PLCL2: variants seen among roughly 807,000 people sequenced by gnomAD.
PLCL2 encodes the protein phospholipase C like 2.
A neutral mutation model predicts 79.6 loss-of-function variants in PLCL2; 4 were observed. The ratio of observed to expected loss-of-function variants is 0.05; its 90% CI spans 0.02 to 0.11. PLCL2 has a LOEUF of 0.11. Among genes scored for constraint, PLCL2 ranks in the 10% least tolerant of loss-of-function variants. The pLI is 1.00. For missense variants in PLCL2, 895 were observed against 1,291.0 expected, an observed-to-expected ratio of 0.69 and a Z score of 4.70; for synonymous variants, 484 against 457.7, an observed-to-expected ratio of 1.06 and a Z score of -0.73.
Position 16,953,237 on chromosome 3 carries a change from G to A in PLCL2, c.328-56437G>A, listed in dbSNP as rs570630867. 5.9e-5 allele frequency among the ~76,000 whole-genome samples: 9 copies of A among 152,222 alleles called. No homozygotes were observed. In the South Asian group the frequency reaches 1.7e-3, roughly 28 times the overall value. On this transcript the variant is annotated intron_variant, in intron 1 of 5. Transcript: ENST00000615277. ...TGGTTGTGCATACATCACATGTAAT[G>A]CATTATAATTTTCTGGAGTAATACA...
intron 1 of PLCL2, among the ~76,000 whole-genome samples, chr3:16,966,277 A>G (rs1450424543): frequency 2.0e-5 from 3 of 150,158 alleles, no homozygotes; most frequent in Non-Finnish European, 3.0e-5. Flanking sequence ...TGAGATAATC[A>G]TGTGGTTTTT....
At chr3:16,897,835 C>G (rs1230106044) in intron 1 of PLCL2, among the ~76,000 whole-genome samples, 4 of 152,206 alleles carry the variant, frequency 2.6e-5, no homozygotes, top group Non-Finnish European at 5.9e-5. Flanking sequence ...CCTGAGGCAT[C>G]TATAAAACAT....
chr3:16,928,523 T>C (rs1022222672), intron 1 of PLCL2, among the ~76,000 whole-genome samples: 2 of 151,970 alleles, frequency 1.3e-5, no homozygotes, highest in Non-Finnish European at 2.9e-5. Context: ...AAGAAGGACA[T>C]AGGAGAAAGT....
chr3:16,983,278 G>A (rs558956993), intron 1 of PLCL2, among the ~76,000 whole-genome samples: 13 of 152,304 alleles, frequency 8.5e-5, no homozygotes, highest in African/African-American at 2.4e-4. Flanking sequence ...AAGTTTAAAC[G>A]TCTATAATTT....
chr3:17,088,426 G>T (rs1243608305), intron 5 of PLCL2, among the ~76,000 whole-genome samples: 1 of 152,018 alleles, frequency 6.6e-6, no homozygotes, highest in Non-Finnish European at 1.5e-5. Flanking sequence ...AGAACCCAAG[G>T]GGATGGGAAA....
chr3:16,907,623 G>T (rs1018283580), intron 1 of PLCL2, among the ~76,000 whole-genome samples: 1 of 152,180 alleles, frequency 6.6e-6, no homozygotes. Flanking sequence ...AGACTGGGGG[G>T]TCACCTATTG....
At chr3:17,061,116 C>T (rs1032695943) in intron 4 of PLCL2, among the ~76,000 whole-genome samples, 5 of 152,084 alleles carry the variant, frequency 3.3e-5, no homozygotes, top group Admixed American at 2.0e-4. Context: ...ATTTTCATAT[C>T]ATTTAGATTG....
intron 3 of PLCL2, among the ~76,000 whole-genome samples, chr3:17,016,151 A>G (rs555265453): frequency 6.6e-6 from 1 of 152,366 alleles, no homozygotes; most frequent in African/African-American, 2.4e-5. Context: ...CAGTTTCACA[A>G]ATTGACTTGA....
At chr3:17,088,244 C>T (rs1489403603) in intron 5 of PLCL2, among the ~76,000 whole-genome samples, 2 of 152,120 alleles carry the variant, frequency 1.3e-5, no homozygotes, top group African/African-American at 4.8e-5. Context: ...CAAGGTAAGT[C>T]CCTACCCATT....
rs201318233 is a variant in PLCL2, at chr3:16,970,054, A to T, written c.328-39620A>T. On this transcript the variant is annotated intron_variant, in intron 1 of 5. Transcript: ENST00000615277. ...GGCTTTGATTTATATATATATATAT[A>T]TATATTTTATTTTATTATTATTACA... Among the ~76,000 whole-genome samples, 329 of 130,418 alleles carry T rather than the reference A, an allele frequency of 2.5e-3. 2 individuals are homozygous for T. The highest frequency in any genetic ancestry group is 7.1e-3 in the African/African-American group (269 of 37,804). The allele number at this position is 130,418 out of a possible 152,430, so 85.6% of individuals were successfully genotyped here.
In PLCL2 at chr3:17,010,735, T is replaced by A. The variant is rs1343558129; in HGVS notation, c.1389T>A (p.Leu463=). The part of the protein sequence containing the change: ...PSDITGYIRA[L]KMGCRSVELD... Reference sequence around the variant, plus strand: ...ACATCACAGGATATATTCGAGCTCTTAAAATGGGTTGCCGGAGTGTTGAAT... The same window carrying A: ...ACATCACAGGATATATTCGAGCTCTAAAAATGGGTTGCCGGAGTGTTGAAT... The change falls in exon 2 of 6, where the codon CTT becomes CTA. Residue 463 remains leucine, a synonymous_variant. Transcript: ENST00000615277. The surrounding 1 kb of genome is among the most constrained non-coding windows in gnomAD (Gnocchi z 5.8). 6.2e-7 allele frequency: 1 copy of A among 1,614,008 alleles called. No homozygotes were observed. The highest frequency in any genetic ancestry group is 1.1e-5 in the South Asian group (1 of 91,070).
At chr3:16,960,824 A>T (rs2124968900) in intron 1 of PLCL2, among the ~76,000 whole-genome samples, 1 of 152,358 alleles carries the variant, frequency 6.6e-6, no homozygotes, top group Non-Finnish European at 1.5e-5. Context: ...CTTTAAGCTT[A>T]AGAGTGAGAA....
At position 17,082,309 on chromosome 3, in the gene PLCL2, A is replaced by AT. The variant is rs796353093; in HGVS notation, c.3205-7412dup. Among the ~76,000 whole-genome samples the AT allele has an allele frequency of 4.9e-3, 707 of 145,138 alleles. 7 individuals carry two copies. Among genetic ancestry groups the AT allele is most frequent in the African/African-American group, 0.014 (553 of 39,860 alleles). ...CAGGCACCCGCCACCATGCCAGCTA[A>AT]TTTTTTTTTTTTGTATTTTTAGTAG... On this transcript the variant is annotated intron_variant, in intron 5 of 5. Coordinates refer to ENST00000615277, the MANE Select transcript of PLCL2 (RefSeq NM_001144382.2).
intron 1 of PLCL2, among the ~76,000 whole-genome samples, chr3:16,948,613 T>C (rs1422389901): frequency 6.6e-6 from 1 of 152,220 alleles, no homozygotes; most frequent in African/African-American, 2.4e-5. Context: ...GAAGAGACTT[T>C]AGAGGTACAG....
chr3:17,045,188 A>G (rs1459570466), intron 4 of PLCL2, among the ~76,000 whole-genome samples: 1 of 152,200 alleles, frequency 6.6e-6, no homozygotes, highest in Non-Finnish European at 1.5e-5. Flanking sequence ...ACTTTTGATA[A>G]GTAATTGTTA....
At position 17,032,536 on chromosome 3, in the gene PLCL2, G is replaced by A. The variant is rs528951169; in HGVS notation, c.3019-10338G>A. ...ATTTTTTGCCCACTATCCTCTTTGT[G>A]CTGTTTTTCCTTATCTTTGCTCCTT... is the stretch of plus-strand genomic sequence containing the variant. On this transcript the variant is annotated intron_variant, in intron 3 of 5. Transcript: ENST00000615277. Among the ~76,000 whole-genome samples the A allele has an allele frequency of 5.3e-5, 8 of 151,728 alleles. No homozygotes were observed. In the South Asian group the frequency reaches 1.7e-3, roughly 32 times the overall value.
At chr3:16,915,194 A>G (rs773918672) in intron 1 of PLCL2, among the ~76,000 whole-genome samples, 1 of 152,252 alleles carries the variant, frequency 6.6e-6, no homozygotes, top group Non-Finnish European at 1.5e-5. Context: ...AGCAATGCAT[A>G]ACATTAGTGA....
chr3:16,999,859 C>T (rs1040604006), intron 1 of PLCL2, among the ~76,000 whole-genome samples: 3 of 152,114 alleles, frequency 2.0e-5, no homozygotes, highest in Non-Finnish European at 1.5e-5. Flanking sequence ...CCCAGATTGT[C>T]ATTTCTCTTT....
Position 17,010,276 on chromosome 3 carries a change from T to G in PLCL2, c.930T>G (p.Leu310=). ...NPGLKTSKIE[L]KFKELHKSKD... is the part of the protein sequence containing the mutation. ...GTTTAAAAACGAGCAAAATTGAGCT[T>G]AAGTTCAAAGAATTGCATAAATCAA... Residue 310 remains leucine (L), a synonymous_variant, in exon 2 of 6, where the codon CTT becomes CTG. Coordinates refer to ENST00000615277, the MANE Select transcript of PLCL2 (RefSeq NM_001144382.2). This position sits in a 1 kb window ranked among gnomAD's most constrained non-coding sequence, Gnocchi z 5.8. 1 of 1,614,066 alleles carries G rather than the reference T, an allele frequency of 6.2e-7. No homozygotes were observed. Among genetic ancestry groups the G allele is most frequent in the Non-Finnish European group, 8.5e-7 (1 of 1,179,964 alleles).
Sources: allele counts gnomAD v4.1 joint callset (sites outside exome capture counted in the v4.1 genomes callset), GRCh38; gene constraint gnomAD v4.1.1; non-coding constraint Gnocchi (gnomAD v3.1); transcripts MANE v1.5; gene names NCBI Gene and HGNC (gene_info 2026-07-23, HGNC 2026-07-21).